Variants in HTT observed in about 807,000 individuals in gnomAD.
HTT encodes huntington disease protein.
A neutral mutation model predicts 362.3 loss-of-function variants in HTT; 104 were observed. The observed-to-expected ratio is 0.29, with a 90% confidence interval of 0.24 to 0.34. HTT has a LOEUF of 0.34. Among genes scored for constraint, HTT ranks in the 10% least tolerant of loss-of-function variants. The pLI, the probability that HTT is intolerant of heterozygous loss-of-function variation, is 1.00. For missense variants in HTT, 3,301 were observed against 3,928.6 expected (o/e 0.84, Z 4.27); for synonymous variants, 1,577 against 1,548.7 (o/e 1.02, Z -0.43).
At chr4:3,115,116 A>G (rs1469789803) in intron 6 of HTT, among the ~76,000 whole-genome samples, 188 bp from the exon 7 acceptor site, 3 of 152,218 alleles carry the variant, frequency 2.0e-5, no homozygotes, top group Non-Finnish European at 4.4e-5. Flanking sequence ...CAAATAGACT[A>G]CACATGTCTG....
rs1319797737 is a variant in HTT, at chr4:3,140,627, A to C, written c.2916A>C (p.Pro972=). Residue 972 remains proline, a synonymous_variant, in exon 22 of 67, where the codon CCA becomes CCC. Transcript: ENST00000355072. The part of the protein sequence containing the change: ...LKLLMHETQP[P]SHFSVSTITR... Reference sequence around the variant, plus strand: ...TTCTCATGCATGAGACGCAGCCTCCATCTCATTTCTCCGTCAGCACAATAA... The same window carrying C: ...TTCTCATGCATGAGACGCAGCCTCCCTCTCATTTCTCCGTCAGCACAATAA... 2.5e-6 allele frequency: 4 copies of C among 1,613,998 alleles called. No homozygotes were observed. The Admixed American group carries it at 6.7e-5, about 27-fold the overall frequency.
intron 40 of HTT, among the ~76,000 whole-genome samples, chr4:3,195,903 C>T (rs962281509): frequency 1.3e-5 from 2 of 152,146 alleles, no homozygotes; most frequent in Non-Finnish European, 2.9e-5. Context: ...GACAGGCATG[C>T]CTTTGCTGGT....
intron 29 of HTT, 103 bp downstream of exon 29, chr4:3,160,495 C>T: frequency 1.3e-6 from 1 of 776,622 alleles, no homozygotes; most frequent in South Asian, 1.5e-5. Context: ...CAGGGTGCCT[C>T]CGGGAGACTC....
chr4:3,188,683 A>G (rs1718880419), intron 39 of HTT: 2 of 280,156 alleles, frequency 7.1e-6, no homozygotes, highest in Admixed American at 5.2e-5. Context: ...CCTGTGACAG[A>G]TGATCAGCTT....
chr4:3,187,920 T>C, intron 39 of HTT, 34 bp downstream of exon 39: 1 of 1,341,780 alleles, frequency 7.5e-7, no homozygotes, highest in Non-Finnish European at 1.1e-6. Context: ...AACTAACCCA[T>C]GCCTTTTGGG....
At chr4:3,075,245 C>T (rs933437402) in intron 1 of HTT, among the ~76,000 whole-genome samples, 157 bp downstream of exon 1, 1 of 152,228 alleles carries the variant, frequency 6.6e-6, no homozygotes, top group Non-Finnish European at 1.5e-5. Context: ...ACACCCGCCC[C>T]CTCCTGGGGC....
chr4:3,107,326 G>A lies in HTT; in HGVS notation c.650G>A (p.Ser217Asn). The change falls in exon 6 of 67, where the codon AGC becomes AAC. Residue 217 changes from serine (S) to asparagine (N), a missense_variant. Ser to Asn is a conservative substitution (Grantham distance 46). Coordinates refer to ENST00000355072, the MANE Select transcript of HTT (RefSeq NM_001388492.1). ...CTTCTGCCGTGCCTGACTCGAACAA[G>A]CAAGAGACCCGAAGAATCAGTCCAG... ...VNLLPCLTRT[S>N]KRPEESVQET... 6.2e-7 allele frequency: 1 copy of A among 1,614,246 alleles called. No individual in the cohort carries two copies. The highest frequency in any genetic ancestry group is 8.5e-7 in the Non-Finnish European group (1 of 1,180,032).
At chr4:3,143,050 C>G (rs1716422554) in intron 23 of HTT, among the ~76,000 whole-genome samples, 164 bp downstream of exon 23, 1 of 152,160 alleles carries the variant, frequency 6.6e-6, no homozygotes, top group South Asian at 2.1e-4. Context: ...AGAATCTCAG[C>G]TTACTCCAGG....
intron 41 of HTT, among the ~76,000 whole-genome samples, chr4:3,203,437 G>A (rs1411141882): frequency 1.3e-5 from 2 of 152,280 alleles, no homozygotes; most frequent in East Asian, 3.9e-4. Context: ...AGAGTCTCAA[G>A]GTTTATAATT....
intron 40 of HTT, 51 bp from the exon 41 acceptor site, chr4:3,199,681 G>T: frequency 6.6e-7 from 1 of 1,522,734 alleles, no homozygotes; most frequent in Non-Finnish European, 9.1e-7. Flanking sequence ...TAGCCATGTG[G>T]CACTGGACCG....
intron 1 of HTT, among the ~76,000 whole-genome samples, chr4:3,081,289 T>C (rs1324824204): frequency 6.6e-6 from 1 of 152,224 alleles, no homozygotes; most frequent in Non-Finnish European, 1.5e-5. Context: ...CTGTCACAGC[T>C]ACGCGGCTCT....
At chr4:3,183,844 C>A (rs1199796986) in intron 37 of HTT, among the ~76,000 whole-genome samples, 1 of 152,196 alleles carries the variant, frequency 6.6e-6, no homozygotes, top group Non-Finnish European at 1.5e-5. Flanking sequence ...TTATGAAACG[C>A]TTAGTGCAGC....
At chr4:3,202,276 T>G (rs1719618214) in intron 41 of HTT, among the ~76,000 whole-genome samples, 1 of 152,106 alleles carries the variant, frequency 6.6e-6, no homozygotes, top group Non-Finnish European at 1.5e-5. Context: ...TGGCCTGAGA[T>G]TTGGGGGGGC....
At chr4:3,079,819 C>T (rs188440740) in intron 1 of HTT, among the ~76,000 whole-genome samples, 135 of 152,312 alleles carry the variant, frequency 8.9e-4, no homozygotes, top group African/African-American at 3.0e-3. Flanking sequence ...CACTGCAGTG[C>T]TCAGATAAGC....
chr4:3,173,604 A>C (rs1215875089), intron 31 of HTT, among the ~76,000 whole-genome samples: 1 of 152,110 alleles, frequency 6.6e-6, no homozygotes, highest in Non-Finnish European at 1.5e-5. Flanking sequence ...AGGCCATAGA[A>C]GCATCTTGGA....
At chr4:3,158,440 T>C (rs150270479) in intron 28 of HTT, among the ~76,000 whole-genome samples, 16 of 152,334 alleles carry the variant, frequency 1.1e-4, no homozygotes, top group Middle Eastern at 3.4e-3. Context: ...GGAGAACTTA[T>C]ACCTCAGATG....
chr4:3,198,075 G>C (rs2110260029), intron 40 of HTT, among the ~76,000 whole-genome samples: 1 of 152,278 alleles, frequency 6.6e-6, no homozygotes, highest in East Asian at 1.9e-4. Flanking sequence ...GTCGTGACCT[G>C]GTCTGCATTC....
chr4:3,231,290 C>T (rs560875108), intron 60 of HTT, among the ~76,000 whole-genome samples: 76 of 152,116 alleles, frequency 5.0e-4, no homozygotes, highest in Admixed American at 1.4e-3. Flanking sequence ...GTGCTCTGGA[C>T]GGGCTCCTGT....
intron 10 of HTT, among the ~76,000 whole-genome samples, chr4:3,124,105 G>A (rs562850445): frequency 6.6e-6 from 1 of 152,318 alleles, no homozygotes; most frequent in Non-Finnish European, 1.5e-5. Flanking sequence ...ATCATAGTAT[G>A]AGATACTTAA....
Sources: gnomAD v4.1 joint callset for allele counts (sites outside exome capture counted in the v4.1 genomes callset) on GRCh38, gnomAD v4.1.1 for gene constraint, MANE v1.5 for transcripts, NCBI Gene and HGNC (gene_info 2026-07-23, HGNC 2026-07-21) for gene names.